Variants in INTU observed in about 807,000 individuals in gnomAD.
INTU encodes the protein protein inturned.
INTU carries 68 observed loss-of-function variants against 100.5 expected under a neutral mutation model. That is an observed-to-expected ratio of 0.68 (90% CI 0.56 to 0.83). The LOEUF is 0.83. Ranked by LOEUF, INTU falls within the 40% of genes least tolerant of loss-of-function variation. The probability of loss-of-function intolerance (pLI) is 0.00; values close to 1 mark genes in which losing one functional copy is unlikely to be tolerated. For synonymous variants in INTU, 357 were observed against 395.7 expected, an observed-to-expected ratio of 0.90 and a Z score of 1.16; for missense variants, 1,071 against 1,114.7, an observed-to-expected ratio of 0.96 and a Z score of 0.56.
At chr4:127,709,711 TCACACACA>T (rs3066389) in intron 13 of INTU, among the ~76,000 whole-genome samples, 34 of 143,304 alleles carry the variant, frequency 2.4e-4, no homozygotes, top group African/African-American at 7.6e-4. Flanking sequence ...CTAATAGAAT[TCACACACA>T]CACACACACA....
chr4:127,683,178 C>A (rs1578597014), intron 6 of INTU, among the ~76,000 whole-genome samples: 2 of 152,246 alleles, frequency 1.3e-5, no homozygotes, highest in Admixed American at 6.5e-5. Context: ...AGGCCATCTT[C>A]CCTAAATATT....
At chr4:127,673,542 A>G (rs72616927) in intron 5 of INTU, among the ~76,000 whole-genome samples, 4,623 of 151,466 alleles carry the variant, frequency 0.031, 305 homozygotes, top group East Asian at 0.27. Context: ...TTAGCAAGAG[A>G]ATTTCAACTT....
chr4:127,680,362 A>G (rs1274664587), intron 6 of INTU, among the ~76,000 whole-genome samples: 1 of 146,072 alleles, frequency 6.8e-6, no homozygotes, highest in Non-Finnish European at 1.5e-5. Flanking sequence ...TCAATAAAAT[A>G]CTGGCAAACC....
chr4:127,663,628 G>A lies in INTU; in HGVS notation c.972+44G>A, dbSNP rs943186946. Reference sequence around the variant, plus strand: ...CCAAAGGAAATAAGTTTAGTCAAAAGCCCAAAGGAAAAAGTAAGGACCTTT... The same window carrying A: ...CCAAAGGAAATAAGTTTAGTCAAAAACCCAAAGGAAAAAGTAAGGACCTTT... On this transcript the variant is annotated intron_variant, in intron 4 of 15. Coordinates refer to ENST00000335251, the MANE Select transcript of INTU (RefSeq NM_015693.4). 4.6e-6 allele frequency: 7 copies of A among 1,523,356 alleles called. No homozygotes were observed. In the African/African-American group the frequency reaches 9.7e-5, roughly 21 times the overall value. 94.4% of individuals were successfully genotyped at this position (1,523,356 alleles called of 1,614,324 possible).
At chr4:127,678,321 G>A (rs1729336631) in intron 6 of INTU, among the ~76,000 whole-genome samples, 1 of 152,132 alleles carries the variant, frequency 6.6e-6, no homozygotes, top group African/African-American at 2.4e-5. Context: ...AAGTTGAAAT[G>A]AAGGAAAAAA....
At chr4:127,700,212 T>G (rs182673675) in intron 9 of INTU, 149 bp downstream of exon 9, 20 of 614,312 alleles carry the variant, frequency 3.3e-5, no homozygotes, top group Non-Finnish European at 4.7e-5. Flanking sequence ...CTATTTTGCT[T>G]GCCTTAGGAT....
At chr4:127,651,653 GA>G (rs1727885274) in intron 2 of INTU, among the ~76,000 whole-genome samples, 2 of 152,136 alleles carry the variant, frequency 1.3e-5, no homozygotes, top group Admixed American at 1.3e-4. Flanking sequence ...CAGGTAGGGT[GA>G]TGCCTACAGC....
At chr4:127,691,757 C>G (rs547140810) in intron 8 of INTU, among the ~76,000 whole-genome samples, 1 of 151,744 alleles carries the variant, frequency 6.6e-6, no homozygotes, top group South Asian at 2.1e-4. Context: ...CTGCTCTTTC[C>G]CCCAAGTTCC....
chr4:127,678,125 T>C (rs1262712635), intron 6 of INTU, among the ~76,000 whole-genome samples: 11 of 152,174 alleles, frequency 7.2e-5, no homozygotes, highest in East Asian at 1.9e-4. Flanking sequence ...CTACGTCTGA[T>C]TGGTGTACCT....
Position 127,643,705 on chromosome 4 carries a change from C to T in INTU, c.331C>T (p.Leu111Phe). 1 of 1,609,588 alleles carries T rather than the reference C, an allele frequency of 6.2e-7. No individual in the cohort carries two copies. Among genetic ancestry groups the T allele is most frequent in the African/African-American group, 1.3e-5 (1 of 74,404 alleles). The change falls in exon 2 of 16, where the codon CTC becomes TTC. Residue 111 changes from leucine to phenylalanine, a missense_variant. Physicochemically the swap from Leu to Phe is conservative, Grantham distance 22. Transcript: ENST00000335251. ...AGAAAGAAAAAAGTATGAACCCAAA[C>T]TCAAGCAGTTTACCAAAATTTTAAG... ...YKERKKYEPK[L>F]KQFTKILRRK... is the part of the protein sequence containing the mutation.
intron 6 of INTU, among the ~76,000 whole-genome samples, chr4:127,674,836 T>C (rs1456655300): frequency 6.6e-6 from 1 of 152,212 alleles, no homozygotes; most frequent in Non-Finnish European, 1.5e-5. Flanking sequence ...CAAAATCACT[T>C]CCAGACGTAC....
chr4:127,641,832 C>T (rs1727348417), intron 1 of INTU, among the ~76,000 whole-genome samples: 2 of 152,242 alleles, frequency 1.3e-5, no homozygotes, highest in South Asian at 4.2e-4. Flanking sequence ...CCACCACGTG[C>T]ATGGATCTTT....
intron 5 of INTU, among the ~76,000 whole-genome samples, chr4:127,669,648 C>T (rs184925756): frequency 2.0e-3 from 303 of 151,886 alleles, no homozygotes; most frequent in Non-Finnish European, 3.6e-3. Context: ...GTTCTTACAA[C>T]AATGATAGAA....
At position 127,722,014 on chromosome 4, in the gene INTU, T is replaced by G. The variant is rs1366841441; in HGVS notation, c.*5578T>G. The G allele has an allele frequency of 1.3e-5, 2 of 152,230 alleles. No homozygotes were observed. Among genetic ancestry groups the G allele is most frequent in the African/African-American group, 2.4e-5 (1 of 41,460 alleles). The allele number at this position is 152,230 out of a possible 1,614,324, so 9.4% of individuals were successfully genotyped here. A position where few individuals can be genotyped will look rare whatever the true frequency, so the allele number is the denominator to read the frequency against. ...GTTCTGTGCCCTTGCTAGAGACATG[T>G]TGCAATCTTTTGGAGGAGAAGAGGC... On this transcript the variant is annotated 3_prime_UTR_variant, in exon 16 of 16. Coordinates refer to ENST00000335251, the MANE Select transcript of INTU (RefSeq NM_015693.4).
rs559591609 is a variant in INTU at position 127,707,643 on chromosome 4, C to CTGTG, written c.2271+688_2271+691dup. The stretch of plus-strand genomic sequence containing the variant: ...ACCCTAAATGTGTGTATTTGTGTGT[C>CTGTG]TGTGTGTGTGTGTGTGTATGTCTCT... On this transcript the variant is annotated intron_variant, in intron 12 of 15. Transcript: ENST00000335251. Among the ~76,000 whole-genome samples, 1,150 of 149,324 alleles carry CTGTG rather than the reference C, an allele frequency of 7.7e-3. 18 individuals are homozygous for CTGTG. Among genetic ancestry groups the CTGTG allele is most frequent in the African/African-American group, 0.022 (895 of 40,882 alleles).
chr4:127,688,602 C>G (rs913873678), intron 8 of INTU, among the ~76,000 whole-genome samples: 1 of 152,172 alleles, frequency 6.6e-6, no homozygotes, highest in African/African-American at 2.4e-5. Flanking sequence ...CTTCATAAGA[C>G]TCTACAATGT....
At chr4:127,650,377 C>A (rs1169625390) in intron 2 of INTU, among the ~76,000 whole-genome samples, 1 of 124,564 alleles carries the variant, frequency 8.0e-6, no homozygotes, top group Admixed American at 9.1e-5. Flanking sequence ...TCCCCCCTCC[C>A]CCCACCCCAC....
chr4:127,676,815 C>T (rs975130051), intron 6 of INTU, among the ~76,000 whole-genome samples: 6 of 152,262 alleles, frequency 3.9e-5, no homozygotes, highest in Non-Finnish European at 7.4e-5. Context: ...ACTCGGGAAG[C>T]GCAAGGGGTC....
At position 127,716,521 on chromosome 4, in the gene INTU, G is replaced by A; in HGVS notation, c.*85G>A. 3.7e-6 allele frequency: 2 copies of A among 534,118 alleles called. No homozygotes were observed. Among genetic ancestry groups the A allele is most frequent in the East Asian group, 6.0e-5 (2 of 33,488 alleles). The allele number at this position is 534,118 out of a possible 1,614,324, so 33.1% of individuals were successfully genotyped here. A position where few individuals can be genotyped will look rare whatever the true frequency, so the allele number is the denominator to read the frequency against. On this transcript the variant is annotated 3_prime_UTR_variant, in exon 16 of 16. Transcript: ENST00000335251. Reference sequence around the variant, plus strand: ...TGAAATCAATACACAAAGAGATAAAGTTTAGCTTCTTTTTACTATTCAATA... The same window carrying A: ...TGAAATCAATACACAAAGAGATAAAATTTAGCTTCTTTTTACTATTCAATA...
Sources: allele counts gnomAD v4.1 joint callset (sites outside exome capture counted in the v4.1 genomes callset), GRCh38; gene constraint gnomAD v4.1.1; transcripts MANE v1.5; gene names NCBI Gene and HGNC (gene_info 2026-07-23, HGNC 2026-07-21).